Variants in NPHP4 observed in about 807,000 individuals in gnomAD.
NPHP4 encodes nephrocystin-4.
In NPHP4, 151 loss-of-function variants were observed where a neutral mutation model predicts 155.8. The ratio of observed to expected loss-of-function variants is 0.97; its 90% CI spans 0.85 to 1.11. The LOEUF (loss-of-function observed/expected upper bound fraction) is 1.11. NPHP4 is among the 50% of genes least tolerant of loss of function. The pLI, the probability that NPHP4 is intolerant of heterozygous loss-of-function variation, is 0.00. For synonymous variants in NPHP4, 845 were observed against 816.8 expected (o/e 1.03, Z -0.59); for missense variants, 1,956 against 1,925.7 (o/e 1.02, Z -0.29).
chr1:5,918,113 A>C (rs1348483962), intron 11 of NPHP4, among the ~76,000 whole-genome samples: 1 of 152,220 alleles, frequency 6.6e-6, no homozygotes, highest in Non-Finnish European at 1.5e-5. Flanking sequence ...GTAGCAGGGA[A>C]GGAAGGAATC....
intron 6 of NPHP4, among the ~76,000 whole-genome samples, chr1:5,959,861 C>G (rs1488560275): frequency 6.6e-6 from 1 of 152,182 alleles, no homozygotes; most frequent in Non-Finnish European, 1.5e-5. Flanking sequence ...CGGGTGACAT[C>G]TGAAAGCTAG....
In NPHP4 at chr1:5,944,919, G is replaced by A. The variant is rs1446876046; in HGVS notation, c.1119+2185C>T. Among the ~76,000 whole-genome samples the A allele has an allele frequency of 1.3e-5, 2 of 152,256 alleles. No individual in the cohort carries two copies. The highest frequency in any genetic ancestry group is 4.2e-4 in the South Asian group (2 of 4,816). ...CAGGAGGCGGAGGTTGCAGTGAGCC[G>A]AGATCGCGCCACTGAGGGGCGACAG... On this transcript the variant is annotated intron_variant, in intron 9 of 29. Coordinates refer to ENST00000378156, the MANE Select transcript of NPHP4 (RefSeq NM_015102.5). The surrounding 1 kb of genome is among the most constrained non-coding windows in gnomAD (Gnocchi z 4.3).
At chr1:5,949,616 G>A (rs1222156696) in intron 7 of NPHP4, among the ~76,000 whole-genome samples, 1 of 152,048 alleles carries the variant, frequency 6.6e-6, no homozygotes, top group African/African-American at 2.4e-5. Flanking sequence ...AGACACGGTG[G>A]CAAGGGCGGG....
intron 11 of NPHP4, among the ~76,000 whole-genome samples, chr1:5,918,902 C>T (rs1034158345): frequency 2.0e-5 from 3 of 152,184 alleles, no homozygotes; most frequent in Non-Finnish European, 2.9e-5. Context: ...CTTCAAGAAA[C>T]AGGTCTTGCC....
In NPHP4 at chr1:5,961,922, T is replaced by A. The variant is rs1206134101; in HGVS notation, c.545A>T (p.Asn182Ile). ...CTTCAGCGTGTACTGCAGGCTGCAG[T>A]TCTCAATGAGGGTCATGTGTCTGTT... Reference protein sequence around the residue: ...EQNRHMTLIENCSLQYTLKPH... With the variant: ...EQNRHMTLIEICSLQYTLKPH... Residue 182 changes from asparagine to isoleucine, a missense_variant, in exon 6 of 30, where the codon AAC (asparagine) becomes ATC (isoleucine). Transcript: ENST00000378156. 2 of 1,608,282 alleles carry A rather than the reference T, an allele frequency of 1.2e-6. No individual in the cohort carries two copies. Among genetic ancestry groups the A allele is most frequent in the South Asian group, 2.2e-5 (2 of 90,962 alleles).
At chr1:5,969,014 G>GAA (rs1247420886) in intron 4 of NPHP4, 73 bp downstream of exon 4, 2 of 1,012,400 alleles carry the variant, frequency 2.0e-6, no homozygotes, top group Non-Finnish European at 2.9e-6. Flanking sequence ...TTGACAGAGT[G>GAA]AGAATCTGTC....
At chr1:5,903,140 ATTAAC>A (rs1256283473) in intron 16 of NPHP4, among the ~76,000 whole-genome samples, 6 of 152,184 alleles carry the variant, frequency 3.9e-5, no homozygotes, top group Non-Finnish European at 8.8e-5. Flanking sequence ...TAATATCCTT[ATTAAC>A]TTGTTTCTGT....
chr1:5,873,811 C>A, intron 22 of NPHP4: 1 of 272,854 alleles, frequency 3.7e-6, no homozygotes, highest in South Asian at 3.6e-5. Flanking sequence ...CAAGTGCACA[C>A]CTGCACACAC....
chr1:5,879,837 A>C (rs1388956254), intron 19 of NPHP4, among the ~76,000 whole-genome samples: 3 of 105,766 alleles, frequency 2.8e-5, no homozygotes, highest in Admixed American at 1.8e-4. Flanking sequence ...ACACGCAAAC[A>C]CACACAGACA....
At chr1:5,980,153 C>T (rs1220879877) in intron 2 of NPHP4, among the ~76,000 whole-genome samples, 1 of 151,986 alleles carries the variant, frequency 6.6e-6, no homozygotes, top group Non-Finnish European at 1.5e-5. Context: ...CCCACAAAAC[C>T]ATAATCAAGT....
intron 6 of NPHP4, among the ~76,000 whole-genome samples, chr1:5,959,379 G>T (rs1649879112): frequency 6.6e-6 from 1 of 152,174 alleles, no homozygotes; most frequent in Non-Finnish European, 1.5e-5. Context: ...ATGCACCCCA[G>T]GCTCAAGCTC....
At chr1:5,903,880 C>A (rs1009125748) in intron 16 of NPHP4, among the ~76,000 whole-genome samples, 1 of 152,170 alleles carries the variant, frequency 6.6e-6, no homozygotes, top group Non-Finnish European at 1.5e-5. Context: ...CAAAGAGAAG[C>A]AAGCAGACGC....
At chr1:5,899,570 G>C (rs1300181563) in intron 16 of NPHP4, among the ~76,000 whole-genome samples, 1 of 152,202 alleles carries the variant, frequency 6.6e-6, no homozygotes. Flanking sequence ...TGGTTACGCA[G>C]GTGTGTTCAC....
At chr1:5,943,449 G>A (rs2101882493) in intron 9 of NPHP4, among the ~76,000 whole-genome samples, 1 of 152,248 alleles carries the variant, frequency 6.6e-6, no homozygotes, top group African/African-American at 2.4e-5. Flanking sequence ...TCCACAAAGG[G>A]CCCCTAGACA....
intron 16 of NPHP4, among the ~76,000 whole-genome samples, chr1:5,900,034 C>T (rs1032267811): frequency 1.4e-4 from 22 of 152,200 alleles, no homozygotes; most frequent in African/African-American, 4.8e-4. Context: ...CCTGCTAGAG[C>T]GGCTAAAATC....
rs144092039 is a variant in NPHP4 at position 5,924,275 on chromosome 1, T to A, written c.1441+3374A>T. On this transcript the variant is annotated intron_variant, in intron 11 of 29. Coordinates refer to ENST00000378156, the MANE Select transcript of NPHP4 (RefSeq NM_015102.5). ...TCTGGCAGCCTGATAAACACGTAACTGGGGCCTCTGAATGAGAGGATGAGA... is the reference window on the plus strand; with the variant it reads ...TCTGGCAGCCTGATAAACACGTAACAGGGGCCTCTGAATGAGAGGATGAGA... 6.1e-3 allele frequency among the ~76,000 whole-genome samples: 935 copies of A among 152,124 alleles called. 9 individuals are homozygous for A. Among genetic ancestry groups the A allele is most frequent in the African/African-American group, 0.022 (901 of 41,482 alleles).
chr1:5,970,812 T>G (rs1046137100), intron 3 of NPHP4, among the ~76,000 whole-genome samples: 1 of 152,096 alleles, frequency 6.6e-6, no homozygotes, highest in Non-Finnish European at 1.5e-5. Flanking sequence ...AATCACAGAC[T>G]GTCAGCCCAG....
rs541930090 is a variant in NPHP4 at position 5,976,136 on chromosome 1, C to T, written c.279+2134G>A. Among the ~76,000 whole-genome samples, 69 of 152,308 alleles carry T rather than the reference C, an allele frequency of 4.5e-4. 1 individual carries two copies. Among genetic ancestry groups the T allele is most frequent in the Non-Finnish European group, 7.9e-4 (54 of 68,036 alleles). On this transcript the variant is annotated intron_variant, in intron 3 of 29. Coordinates refer to ENST00000378156, the MANE Select transcript of NPHP4 (RefSeq NM_015102.5). ...AGGGCTCCTCAGAAGCAGGAGGTCA[C>T]GGAGGCCACAGCAGGTGGAGCCGTC...
At chr1:5,990,879 A>T (rs1367672786) in intron 1 of NPHP4, among the ~76,000 whole-genome samples, 1 of 152,182 alleles carries the variant, frequency 6.6e-6, no homozygotes, top group Non-Finnish European at 1.5e-5. Flanking sequence ...TCTCCTTGAG[A>T]TCTCTGCTTC....
Sources: gnomAD v4.1 joint callset for allele counts (sites outside exome capture counted in the v4.1 genomes callset) on GRCh38, gnomAD v4.1.1 for gene constraint, Gnocchi (gnomAD v3.1) non-coding constraint, MANE v1.5 for transcripts, NCBI Gene and HGNC (gene_info 2026-07-23, HGNC 2026-07-21) for gene names.